CCDC102B: variants seen among roughly 807,000 people sequenced by gnomAD.
CCDC102B encodes the protein coiled-coil domain-containing protein 102B.
A neutral mutation model predicts 57.4 loss-of-function variants in CCDC102B; 75 were observed. The observed-to-expected ratio is 1.31, with a 90% CI of 1.08 to 1.58. The LOEUF is 1.58. Ranked by LOEUF, CCDC102B falls within the 40% of genes most tolerant of loss-of-function variation. The pLI, the probability that CCDC102B is intolerant of heterozygous loss-of-function variation, is 0.00. For synonymous variants in CCDC102B, 206 were observed against 201.9 expected, an observed-to-expected ratio of 1.02 and a Z score of -0.17; for missense variants, 636 against 582.6, an observed-to-expected ratio of 1.09 and a Z score of -0.94.
intron 6 of CCDC102B, among the ~76,000 whole-genome samples, chr18:68,964,191 G>T (rs80256401): frequency 5.5e-4 from 83 of 151,770 alleles, no homozygotes; most frequent in African/African-American, 1.9e-3. Flanking sequence ...TTAAATTATC[G>T]TTTGCAGTAC....
At chr18:68,737,082 G>T (rs751793287) in intron 2 of CCDC102B, among the ~76,000 whole-genome samples, 21 of 151,866 alleles carry the variant, frequency 1.4e-4, no homozygotes, top group Non-Finnish European at 1.0e-4. Context: ...GCCCTCAGAG[G>T]GTTGGGAGGA....
chr18:68,994,410 C>T (rs1374532808), intron 6 of CCDC102B, among the ~76,000 whole-genome samples: 1 of 151,996 alleles, frequency 6.6e-6, no homozygotes, highest in Non-Finnish European at 1.5e-5. Context: ...GGTACAGGGA[C>T]ACACTCTCAT....
chr18:68,837,092 G>A lies in CCDC102B; in HGVS notation c.329G>A (p.Arg110Gln), dbSNP rs749317561. Residue 110 changes from arginine to glutamine, a missense_variant, in exon 2 of 8, where the codon CGA becomes CAA. Arg to Gln is a conservative substitution (Grantham distance 43, BLOSUM62 1). Transcript: ENST00000360242. ...TGGAGAGAAAAATGGAGTAAAGTTCGAGCTGAAAGGAACAGTGCCAGGGAG... is the reference window on the plus strand; with the variant it reads ...TGGAGAGAAAAATGGAGTAAAGTTCAAGCTGAAAGGAACAGTGCCAGGGAG... ...ANWREKWSKV[R>Q]AERNSAREEG... 10 of 1,614,028 alleles carry A rather than the reference G, an allele frequency of 6.2e-6. No individual in the cohort carries two copies. The Admixed American group carries it at 8.3e-5, about 13-fold the overall frequency.
intron 6 of CCDC102B, among the ~76,000 whole-genome samples, chr18:68,961,602 G>C (rs2050049378): frequency 6.6e-6 from 1 of 151,820 alleles, no homozygotes; most frequent in African/African-American, 2.4e-5. Context: ...CAAAACTTTA[G>C]AGTGCACCTA....
intron 6 of CCDC102B, among the ~76,000 whole-genome samples, chr18:68,993,797 C>G (rs917903620): frequency 2.0e-5 from 3 of 152,058 alleles, no homozygotes; most frequent in Admixed American, 2.0e-4. Context: ...GTAAATTTCT[C>G]CGGGTTCTAT....
In CCDC102B at chr18:68,941,780, C is replaced by T. The variant is rs964893373; in HGVS notation, c.1263+44352C>T. ...AAGATGAAAGTACAGAGGAACAGTT[C>T]CATTTTCTCAGAATCCAGTATAACA... On this transcript the variant is annotated intron_variant, in intron 6 of 7. Coordinates refer to ENST00000360242, the MANE Select transcript of CCDC102B (RefSeq NM_024781.3). 2.6e-5 allele frequency among the ~76,000 whole-genome samples: 4 copies of T among 152,106 alleles called. No individual in the cohort carries two copies. In the South Asian group the frequency reaches 8.3e-4, roughly 32 times the overall value.
chr18:68,974,478 T>A (rs572233999), intron 6 of CCDC102B, among the ~76,000 whole-genome samples: 2 of 152,200 alleles, frequency 1.3e-5, no homozygotes, highest in South Asian at 4.1e-4. Context: ...TAATATTATT[T>A]TAATATCTGT....
intron 2 of CCDC102B, among the ~76,000 whole-genome samples, chr18:68,735,608 C>T (rs2033090247): frequency 6.6e-6 from 1 of 152,102 alleles, no homozygotes; most frequent in Non-Finnish European, 1.5e-5. Flanking sequence ...CTTTGCATAT[C>T]CTGTTTGGCC....
chr18:68,860,479 A>AC (rs1555715310), intron 4 of CCDC102B, among the ~76,000 whole-genome samples: 4 of 77,958 alleles, frequency 5.1e-5, no homozygotes, highest in Admixed American at 1.4e-4. Flanking sequence ...CAAAAACAAA[A>AC]AAAAAAAAAG....
At chr18:68,965,170 TC>T (rs1306037887) in intron 6 of CCDC102B, among the ~76,000 whole-genome samples, 2 of 151,976 alleles carry the variant, frequency 1.3e-5, no homozygotes, top group African/African-American at 4.8e-5. Context: ...TTCCTATCCT[TC>T]TAGGACTCCA....
At chr18:69,015,195 C>T (rs913861362) in intron 7 of CCDC102B, among the ~76,000 whole-genome samples, 1 of 152,118 alleles carries the variant, frequency 6.6e-6, no homozygotes, top group Non-Finnish European at 1.5e-5. Context: ...TCACATTTCA[C>T]CTAGAGGTAG....
intron 1 of CCDC102B, among the ~76,000 whole-genome samples, chr18:68,828,322 C>CAAAAAA (rs58180806): frequency 1.1e-4 from 9 of 80,804 alleles, no homozygotes; most frequent in African/African-American, 1.8e-4. Flanking sequence ...ACCCTATTTA[C>CAAAAAA]AAAAAAAAAA....
intron 7 of CCDC102B, among the ~76,000 whole-genome samples, chr18:69,052,287 A>G (rs1175367837): frequency 1.3e-5 from 2 of 152,040 alleles, no homozygotes; most frequent in Non-Finnish European, 2.9e-5. Flanking sequence ...AAGTTTTCAA[A>G]TGTCACATCA....
chr18:68,953,158 CAAATCA>C (rs2049746674), intron 6 of CCDC102B, among the ~76,000 whole-genome samples: 2 of 151,882 alleles, frequency 1.3e-5, no homozygotes, highest in South Asian at 4.2e-4. Flanking sequence ...ATAGTAAAGC[CAAATCA>C]AAATCAAAAC....
intron 6 of CCDC102B, among the ~76,000 whole-genome samples, chr18:68,999,548 G>A (rs1391435445): frequency 6.6e-6 from 1 of 152,118 alleles, no homozygotes; most frequent in East Asian, 1.9e-4. Flanking sequence ...AGAGGTTGCT[G>A]TGAGCCGAGA....
At chr18:68,741,713 A>ACACCCC (rs1393809459) in intron 2 of CCDC102B, among the ~76,000 whole-genome samples, 22 of 97,650 alleles carry the variant, frequency 2.3e-4, no homozygotes, top group African/African-American at 8.2e-4. Context: ...ACACACACAC[A>ACACCCC]CCCCAAGACA....
chr18:68,910,433 G>C (rs1176867460), intron 6 of CCDC102B, among the ~76,000 whole-genome samples: 1 of 152,170 alleles, frequency 6.6e-6, no homozygotes, highest in Non-Finnish European at 1.5e-5. Context: ...GTGAGGTCTA[G>C]TTCATCATGG....
chr18:69,030,450 A>G (rs1024798553), intron 7 of CCDC102B, among the ~76,000 whole-genome samples: 2 of 152,242 alleles, frequency 1.3e-5, no homozygotes, highest in African/African-American at 4.8e-5. Context: ...TAGTAGACAC[A>G]TGCAGGAAGA....
At chr18:69,032,136 T>C (rs944175336) in intron 7 of CCDC102B, among the ~76,000 whole-genome samples, 1 of 152,174 alleles carries the variant, frequency 6.6e-6, no homozygotes, top group Non-Finnish European at 1.5e-5. Context: ...TTGAGTTTTT[T>C]TGATGCTGAA....
Sources: gnomAD v4.1 joint callset for allele counts (sites outside exome capture counted in the v4.1 genomes callset) on GRCh38, gnomAD v4.1.1 for gene constraint, MANE v1.5 for transcripts, NCBI Gene and HGNC (gene_info 2026-07-23, HGNC 2026-07-21) for gene names.